Variants in GBE1 observed in about 807,000 individuals in gnomAD.
GBE1 encodes 1,4-alpha-glucan branching enzyme 1, also known as 1,4-alpha-glucan-branching enzyme.
GBE1 carries 70 observed loss-of-function variants against 88.8 expected under a neutral mutation model. That is an observed-to-expected ratio of 0.79 (90% CI 0.65 to 0.96). GBE1 has a LOEUF of 0.96. Among genes scored for constraint, GBE1 ranks in the 40% least tolerant of loss-of-function variants. GBE1 has a pLI of 0.00. For synonymous variants in GBE1, 284 were observed against 300.1 expected (o/e 0.95, Z 0.56); for missense variants, 872 against 871.0 (o/e 1.00, Z -0.01).
intron 14 of GBE1, among the ~76,000 whole-genome samples, chr3:81,533,766 A>G (rs1351731458): frequency 6.6e-6 from 1 of 152,080 alleles, no homozygotes; most frequent in African/African-American, 2.4e-5. Context: ...AAATTTTGCT[A>G]AAGAAGTAAG....
chr3:81,701,767 T>C (rs1421808457), intron 2 of GBE1, among the ~76,000 whole-genome samples: 1 of 151,962 alleles, frequency 6.6e-6, no homozygotes, highest in Non-Finnish European at 1.5e-5. Flanking sequence ...TATTTGTATT[T>C]ATCTATTTAT....
intron 7 of GBE1, among the ~76,000 whole-genome samples, chr3:81,615,003 C>T (rs1329564949): frequency 6.7e-6 from 1 of 149,016 alleles, no homozygotes; most frequent in Non-Finnish European, 1.5e-5. Flanking sequence ...GCATAGGTTA[C>T]AGAATGAGAC....
chr3:81,637,716 TGTCATG>T, intron 7 of GBE1, among the ~76,000 whole-genome samples: 1 of 152,252 alleles, frequency 6.6e-6, no homozygotes, highest in Admixed American at 6.5e-5. Context: ...TTTCCATTCA[TGTCATG>T]GTTGCTTAGT....
chr3:81,652,170 T>C (rs1237142748), intron 3 of GBE1, among the ~76,000 whole-genome samples: 2 of 152,220 alleles, frequency 1.3e-5, no homozygotes, highest in African/African-American at 2.4e-5. Context: ...TATCCAGCTA[T>C]GATGTGAACC....
intron 1 of GBE1, among the ~76,000 whole-genome samples, chr3:81,737,360 TATATA>T (rs1706276211): frequency 4.1e-5 from 2 of 49,098 alleles, no homozygotes; most frequent in Non-Finnish European, 9.1e-5. Flanking sequence ...AATATATATT[TATATA>T]TTTATATATA....
intron 1 of GBE1, among the ~76,000 whole-genome samples, chr3:81,739,832 A>AT (rs1446543336): frequency 6.6e-6 from 1 of 152,122 alleles, no homozygotes; most frequent in Non-Finnish European, 1.5e-5. Context: ...ATTTTCTTAC[A>AT]TTTTTTAACC....
At chr3:81,754,735 C>T (rs1706578664) in intron 1 of GBE1, among the ~76,000 whole-genome samples, 1 of 152,102 alleles carries the variant, frequency 6.6e-6, no homozygotes, top group African/African-American at 2.4e-5. Flanking sequence ...AAAGGACAGT[C>T]TATTCAATAA....
chr3:81,694,984 T>C (rs1278104963), intron 2 of GBE1, among the ~76,000 whole-genome samples: 3 of 152,148 alleles, frequency 2.0e-5, no homozygotes, highest in Non-Finnish European at 4.4e-5. Context: ...GAAGAGGCCA[T>C]AAAAGGACAA....
Position 81,750,686 on chromosome 3 carries a change from T to C in GBE1, c.143+10689A>G, listed in dbSNP as rs1403891094. 1.2e-4 allele frequency among the ~76,000 whole-genome samples: 13 copies of C among 104,690 alleles called. 2 individuals carry two copies. The highest frequency in any genetic ancestry group is 1.8e-4 in the Non-Finnish European group (10 of 54,524). The allele number at this position is 104,690 out of a possible 152,430, so 68.7% of individuals were successfully genotyped here. A position where few individuals can be genotyped will look rare whatever the true frequency, so the allele number is the denominator to read the frequency against. ...ATATATATATATACGTATATATATA[T>C]ATATATATGTATTTTTTTTTTTTTG... is the stretch of plus-strand genomic sequence containing the variant. On this transcript the variant is annotated intron_variant, in intron 1 of 15. Coordinates refer to ENST00000429644, the MANE Select transcript of GBE1 (RefSeq NM_000158.4).
chr3:81,675,179 G>A (rs1053927302), intron 2 of GBE1, among the ~76,000 whole-genome samples: 1 of 151,974 alleles, frequency 6.6e-6, no homozygotes, highest in Non-Finnish European at 1.5e-5. Context: ...GTGTTTGCGT[G>A]TTCTCTACTT....
chr3:81,497,096 G>A (rs191717904), intron 15 of GBE1, among the ~76,000 whole-genome samples: 20 of 152,268 alleles, frequency 1.3e-4, no homozygotes, highest in Admixed American at 3.3e-4. Context: ...CCACACTGGT[G>A]AGATCAATTC....
intron 12 of GBE1, among the ~76,000 whole-genome samples, chr3:81,538,764 T>A (rs2106874659): frequency 6.6e-6 from 1 of 152,142 alleles, no homozygotes; most frequent in East Asian, 1.9e-4. Context: ...ATCCAAGGAC[T>A]AGCGGGATTT....
chr3:81,585,999 C>A, intron 10 of GBE1, 93 bp downstream of exon 10: 4 of 698,588 alleles, frequency 5.7e-6, no homozygotes, highest in Non-Finnish European at 9.5e-6. Context: ...ATTATAATAT[C>A]TGTAACTAAT....
chr3:81,760,944 A>G (rs920542258), intron 1 of GBE1, among the ~76,000 whole-genome samples: 12 of 152,268 alleles, frequency 7.9e-5, no homozygotes, highest in Non-Finnish European at 1.5e-4. Context: ...GAAATAAACT[A>G]GAAAGTTTTA....
chr3:81,510,396 T>C (rs866748087), intron 14 of GBE1, among the ~76,000 whole-genome samples: 24 of 152,216 alleles, frequency 1.6e-4, no homozygotes, highest in African/African-American at 5.8e-4. Flanking sequence ...TAAGACTAGA[T>C]AGAAAATCAC....
chr3:81,724,298 G>A lies in GBE1; in HGVS notation c.144-18685C>T, dbSNP rs1357638226. ...GGTTTGTCTCCAAATTCACATTAAA[G>A]GTCGTATTTACAAGCATTTTCTTAT... On this transcript the variant is annotated intron_variant, in intron 1 of 15. Transcript: ENST00000429644. Among the ~76,000 whole-genome samples, 4 of 152,182 alleles carry A rather than the reference G, an allele frequency of 2.6e-5. No individual in the cohort carries two copies. The East Asian group carries it at 7.7e-4, about 29-fold the overall frequency.
chr3:81,543,977 T>C (rs1367051815), intron 12 of GBE1, among the ~76,000 whole-genome samples: 1 of 152,170 alleles, frequency 6.6e-6, no homozygotes, highest in Admixed American at 6.6e-5. Flanking sequence ...CTCATGCATT[T>C]CTAATGATTT....
At chr3:81,623,819 C>G (rs1285290116) in intron 7 of GBE1, among the ~76,000 whole-genome samples, 1 of 152,078 alleles carries the variant, frequency 6.6e-6, no homozygotes, top group Non-Finnish European at 1.5e-5. Flanking sequence ...TGAGAGCCAT[C>G]ATGCCTGGCT....
At chr3:81,518,462 A>C (rs1054975607) in intron 14 of GBE1, among the ~76,000 whole-genome samples, 5 of 151,518 alleles carry the variant, frequency 3.3e-5, no homozygotes, top group Middle Eastern at 3.4e-3. Flanking sequence ...GGCAATCTAA[A>C]AGTGTTATAG....
Sources: gnomAD v4.1 joint callset for allele counts (sites outside exome capture counted in the v4.1 genomes callset) on GRCh38, gnomAD v4.1.1 for gene constraint, MANE v1.5 for transcripts, NCBI Gene and HGNC (gene_info 2026-07-23, HGNC 2026-07-21) for gene names.